MDN1: variants seen among roughly 807,000 people sequenced by gnomAD.
MDN1 encodes midasin AAA ATPase 1, also known as midasin.
A neutral mutation model predicts 669.2 loss-of-function variants in MDN1; 266 were observed. The observed-to-expected ratio is 0.40, with a 90% confidence interval of 0.36 to 0.44. The LOEUF (loss-of-function observed/expected upper bound fraction) is 0.44, where lower values mean the gene tolerates loss of function less well. Ranked by LOEUF, MDN1 falls within the 20% of genes least tolerant of loss-of-function variation. The probability of loss-of-function intolerance (pLI) is 1.00; values close to 1 mark genes in which losing one functional copy is unlikely to be tolerated. For missense variants in MDN1, 5,940 were observed against 6,754.0 expected (o/e 0.88, Z 4.22); for synonymous variants, 2,385 against 2,457.1 (o/e 0.97, Z 0.87).
At chr6:89,700,351 G>T (rs1813071582) in intron 56 of MDN1, 57 bp from the exon 57 acceptor site, 1 of 1,357,604 alleles carries the variant, frequency 7.4e-7, no homozygotes, top group African/African-American at 1.4e-5. Context: ...ATAGCCTCTA[G>T]ATTCTCAACA....
intron 9 of MDN1, among the ~76,000 whole-genome samples, chr6:89,783,766 T>C (rs985311129): frequency 6.6e-6 from 1 of 152,188 alleles, no homozygotes; most frequent in Non-Finnish European, 1.5e-5. Flanking sequence ...CCTCTCTTTG[T>C]ACTCTTTCTC....
intron 2 of MDN1, among the ~76,000 whole-genome samples, chr6:89,797,128 T>A (rs1819649966): frequency 6.6e-6 from 1 of 151,810 alleles, no homozygotes; most frequent in Non-Finnish European, 1.5e-5. Flanking sequence ...TCCCAGCACT[T>A]TGGGAGGCCA....
At position 89,745,505 on chromosome 6, in the gene MDN1, A is replaced by G. The variant is rs773102877; in HGVS notation, c.4026T>C (p.Val1342=). 6.2e-7 allele frequency: 1 copy of G among 1,614,132 alleles called. No homozygotes were observed. Among genetic ancestry groups the G allele is most frequent in the East Asian group, 2.2e-5 (1 of 44,884 alleles). ...CPQSLFSKEN[V]LKLLGKLSTQ... Reference sequence around the variant, plus strand: ...TGGCCTACTCACCCAGCAATTTTAGAACATTTTCTTTGGAGAAAAGAGATT... The same window carrying G: ...TGGCCTACTCACCCAGCAATTTTAGGACATTTTCTTTGGAGAAAAGAGATT... Residue 1342 remains valine (V), a synonymous_variant, in exon 28 of 102, where the codon GTT becomes GTC. Transcript: ENST00000369393.
rs755043161 is a variant in MDN1, at chr6:89,646,528, C to A, written c.16459+12G>T. 1.1e-5 allele frequency: 17 copies of A among 1,612,682 alleles called. No individual in the cohort carries two copies. In the Admixed American group the frequency reaches 1.8e-4, roughly 17 times the overall value. ...AGCATTTTGTTAATGAAGAGGAAGG[C>A]ATGCAGCTCACCTGAACTGATGTTC... is the stretch of plus-strand genomic sequence containing the variant. On this transcript the variant is annotated intron_variant, in intron 100 of 101. Coordinates refer to ENST00000369393, the MANE Select transcript of MDN1 (RefSeq NM_014611.3).
rs757088440 is a variant in MDN1 at position 89,692,543 on chromosome 6, T to C, written c.10487A>G (p.Glu3496Gly). 15 of 1,614,220 alleles carry C rather than the reference T, an allele frequency of 9.3e-6. No individual in the cohort carries two copies. The South Asian group carries it at 1.2e-4, about 13-fold the overall frequency. The change falls in exon 63 of 102, where the codon GAG (glutamate) becomes GGG (glycine). Residue 3496 changes from glutamate to glycine, a missense_variant. Coordinates refer to ENST00000369393, the MANE Select transcript of MDN1 (RefSeq NM_014611.3). ...AAGGAGAGCATTCATCAGCAGCTGC[T>C]CCCGAGTGGGACAGGCTTTCTGGCC... Reference protein sequence around the residue: ...GKGQKACPTREQLLMNALLYL... With the variant: ...GKGQKACPTRGQLLMNALLYL...
chr6:89,767,191 C>T (rs1817841908), intron 15 of MDN1, among the ~76,000 whole-genome samples: 1 of 152,122 alleles, frequency 6.6e-6, no homozygotes, highest in Non-Finnish European at 1.5e-5. Context: ...ATGTCTCTAC[C>T]TACAGGTAAT....
chr6:89,713,153 G>C lies in MDN1; in HGVS notation c.7213C>G (p.Arg2405Gly), dbSNP rs901743540. The stretch of plus-strand genomic sequence containing the variant: ...TCTGCAATACTTCATAGTACCTTCC[G>C]GTTTGCTGGTGAATGCTGGGAACAG... ...YVCSQHSPANRKLVQALLEKH... is the reference protein window; with the variant it reads ...YVCSQHSPANGKLVQALLEKH... Residue 2405 changes from arginine to glycine, a missense_variant, in exon 47 of 102, where the codon CGG becomes GGG. By Grantham distance (125) the Arg-to-Gly change is moderately radical. This residue lies in a region of MDN1 where 2,292 missense variants were observed against 2,638.3 expected (regional missense o/e 0.87). Coordinates refer to ENST00000369393, the MANE Select transcript of MDN1 (RefSeq NM_014611.3). The C allele has an allele frequency of 6.2e-7, 1 of 1,612,176 alleles. No individual in the cohort carries two copies. Among genetic ancestry groups the C allele is most frequent in the Non-Finnish European group, 8.5e-7 (1 of 1,179,462 alleles).
intron 25 of MDN1, 61 bp downstream of exon 25, chr6:89,749,482 T>C: frequency 6.3e-7 from 1 of 1,596,116 alleles, no homozygotes; most frequent in Non-Finnish European, 8.6e-7. Flanking sequence ...TCATTCTTAC[T>C]ACGAAAAATC....
Position 89,695,683 on chromosome 6 carries a change from C to T in MDN1, c.9693G>A (p.Gln3231=), listed in dbSNP as rs1371896636. ...GTGCCTGGGGAAGCCATGTCTGAAT[C>T]TGGAGCAAGCCGAGGCTCACCCAGA... ...GSLWVSLGLL[Q]IQTWLPQARF... is the part of the protein sequence containing the mutation. The change falls in exon 61 of 102, where the codon CAG becomes CAA. Residue 3231 remains glutamine, a synonymous_variant. Coordinates refer to ENST00000369393, the MANE Select transcript of MDN1 (RefSeq NM_014611.3). This position sits in a 1 kb window ranked among gnomAD's most constrained non-coding sequence, Gnocchi z 4.1. The T allele has an allele frequency of 6.2e-7, 1 of 1,613,524 alleles. No homozygotes were observed. The highest frequency in any genetic ancestry group is 1.3e-5 in the African/African-American group (1 of 74,934).
At chr6:89,819,416 A>C (rs1769104779) in intron 1 of MDN1, 90 bp downstream of exon 1, 1 of 1,255,206 alleles carries the variant, frequency 8.0e-7, no homozygotes, top group Non-Finnish European at 1.1e-6. Flanking sequence ...TCCCCACTTA[A>C]AGCGGCGAGT....
intron 12 of MDN1, among the ~76,000 whole-genome samples, 192 bp from the exon 13 acceptor site, chr6:89,774,925 T>G (rs1331803028): frequency 6.6e-6 from 1 of 152,206 alleles, no homozygotes; most frequent in Non-Finnish European, 1.5e-5. Context: ...TTCACAACAT[T>G]TATCATGTTT....
chr6:89,689,688 C>T (rs1812249648), intron 65 of MDN1, among the ~76,000 whole-genome samples, 182 bp downstream of exon 65: 1 of 152,196 alleles, frequency 6.6e-6, no homozygotes. Flanking sequence ...GAAAATCCAT[C>T]TTATTACAGA....
rs1027076919 is a variant in MDN1 at position 89,793,719 on chromosome 6, T to C, written c.855+43A>G. On this transcript the variant is annotated intron_variant, in intron 5 of 101. Transcript: ENST00000369393. The stretch of plus-strand genomic sequence containing the variant: ...CCAAAGACAGAGCACACTCAGTGTT[T>C]AGTAGGGGGAAGGGGACACACCCCC... 1.3e-5 allele frequency: 20 copies of C among 1,527,250 alleles called. No homozygotes were observed. In the African/African-American group the frequency reaches 2.6e-4, roughly 20 times the overall value. 94.6% of individuals were successfully genotyped at this position (1,527,250 alleles called of 1,614,324 possible). A position where few individuals can be genotyped will look rare whatever the true frequency, so the allele number is the denominator to read the frequency against.
chr6:89,742,401 G>A lies in MDN1; in HGVS notation c.4448+749C>T, dbSNP rs931705896. 4.7e-5 allele frequency among the ~76,000 whole-genome samples: 7 copies of A among 150,162 alleles called. 2 individuals carry two copies. In the Admixed American group the frequency reaches 4.7e-4, roughly 10 times the overall value. On this transcript the variant is annotated intron_variant, in intron 31 of 101. Coordinates refer to ENST00000369393, the MANE Select transcript of MDN1 (RefSeq NM_014611.3). ...CCAGCCTGGGATAAAGAGCAAGACTGTGTCTAAAAAAATAAACAAACAAAC... is the reference window on the plus strand; with the variant it reads ...CCAGCCTGGGATAAAGAGCAAGACTATGTCTAAAAAAATAAACAAACAAAC...
Position 89,643,918 on chromosome 6 carries a change from TTTGTAG to T in MDN1, c.*81_*86del. On this transcript the variant is annotated 3_prime_UTR_variant, in exon 102 of 102. Coordinates refer to ENST00000369393, the MANE Select transcript of MDN1 (RefSeq NM_014611.3). ...AAATAAAAATATTACAATAAAATTT[TTTGTAG>T]TTGTCCAAAAGGGAGCACCTGGGTA... is the stretch of plus-strand genomic sequence containing the variant. 1 of 1,130,896 alleles carries T rather than the reference TTTGTAG, an allele frequency of 8.8e-7. No homozygotes were observed. Among genetic ancestry groups the T allele is most frequent in the East Asian group, 2.6e-5 (1 of 38,692 alleles). The allele number at this position is 1,130,896 out of a possible 1,614,324, so 70.1% of individuals were successfully genotyped here.
intron 39 of MDN1, 42 bp from the exon 40 acceptor site, chr6:89,723,185 C>T (rs199747059): frequency 1.1e-4 from 173 of 1,561,542 alleles, no homozygotes; most frequent in Admixed American, 2.4e-4. Flanking sequence ...GCCCTGCTTA[C>T]TACTAGGCAC....
intron 74 of MDN1, among the ~76,000 whole-genome samples, chr6:89,679,069 A>T (rs1482488485): frequency 6.6e-6 from 1 of 152,246 alleles, no homozygotes. Flanking sequence ...ACTGAGCACC[A>T]ACTATGTGCA....
Position 89,685,865 on chromosome 6 carries a change from T to G in MDN1, c.11681A>C (p.His3894Pro). ...HVRLQMLLVF[H>P]CHVLLMPQVE... ...CTGTGGCATCAGCAAGACATGACAA[T>G]GGAAAACCAGTAACATCTGAAGTCG... is the stretch of plus-strand genomic sequence containing the variant. The change falls in exon 70 of 102, where the codon CAT (histidine) becomes CCT (proline). Residue 3894 changes from histidine (H) to proline (P), a missense_variant. His to Pro is a moderately conservative substitution (Grantham distance 77). Coordinates refer to ENST00000369393, the MANE Select transcript of MDN1 (RefSeq NM_014611.3). The G allele has an allele frequency of 6.2e-7, 1 of 1,614,028 alleles. No individual in the cohort carries two copies.
Position 89,743,353 on chromosome 6 carries a change from G to A in MDN1, c.4318-73C>T, listed in dbSNP as rs150083408. 6.7e-5 allele frequency: 105 copies of A among 1,568,722 alleles called. 1 individual carries two copies. Among genetic ancestry groups the A allele is most frequent in the African/African-American group, 3.5e-4 (26 of 73,544 alleles). ...GACAATATACATGCAGCTGGCTGGTGTTTCCAGGGGTGAAGTAGGCATTCT... is the reference window on the plus strand; with the variant it reads ...GACAATATACATGCAGCTGGCTGGTATTTCCAGGGGTGAAGTAGGCATTCT... On this transcript the variant is annotated intron_variant, in intron 30 of 101. Coordinates refer to ENST00000369393, the MANE Select transcript of MDN1 (RefSeq NM_014611.3).
Sources: gnomAD v4.1 joint callset for allele counts (sites outside exome capture counted in the v4.1 genomes callset) on GRCh38, gnomAD v4.1.1 for gene constraint, gnomAD v4.1.1 regional missense constraint, Gnocchi (gnomAD v3.1) non-coding constraint, MANE v1.5 for transcripts, NCBI Gene and HGNC (gene_info 2026-07-23, HGNC 2026-07-21) for gene names.